Variants in FAM133B observed in about 807,000 individuals in gnomAD.
The protein encoded by FAM133B is protein FAM133B.
Under a neutral mutation model 46.4 loss-of-function variants are expected in FAM133B, and 25 were observed. That is an observed-to-expected ratio of 0.54 (90% CI 0.39 to 0.75). The LOEUF (loss-of-function observed/expected upper bound fraction) is 0.75. Ranked by LOEUF, FAM133B falls within the 30% of genes least tolerant of loss-of-function variation. The probability of loss-of-function intolerance (pLI) is 0.00; values close to 1 mark genes in which losing one functional copy is unlikely to be tolerated. For missense variants in FAM133B, 205 were observed against 277.6 expected, an observed-to-expected ratio of 0.74 and a Z score of 1.86; for synonymous variants, 75 against 86.0, an observed-to-expected ratio of 0.87 and a Z score of 0.71.
At chr7:92,585,311 A>C in intron 1 of FAM133B, 1 of 914,158 alleles carries the variant, frequency 1.1e-6, no homozygotes. Context: ...TGTTAAATTT[A>C]ACTGGTCTCA....
At chr7:92,583,073 G>A (rs117047135) in intron 1 of FAM133B, among the ~76,000 whole-genome samples, 16 of 152,232 alleles carry the variant, frequency 1.1e-4, no homozygotes, top group Non-Finnish European at 1.9e-4. Context: ...TGGAAACAAC[G>A]CAAATGTCCA....
chr7:92,562,968 C>T (rs1794204823), intron 10 of FAM133B, among the ~76,000 whole-genome samples: 1 of 152,104 alleles, frequency 6.6e-6, no homozygotes, highest in African/African-American at 2.4e-5. Context: ...GAAGAAAATG[C>T]CACTAATGCC....
chr7:92,577,608 A>G (rs1368983104), intron 6 of FAM133B, 47 bp downstream of exon 6: 1 of 1,447,516 alleles, frequency 6.9e-7, no homozygotes, highest in East Asian at 2.5e-5. Context: ...TTGACATTAA[A>G]GAAATTAAGA....
intron 1 of FAM133B, among the ~76,000 whole-genome samples, chr7:92,585,693 A>T (rs181881289): frequency 1.9e-3 from 296 of 152,334 alleles, no homozygotes; most frequent in African/African-American, 6.7e-3. Context: ...TTTAATAAAT[A>T]ACTAAAAATT....
At position 92,569,874 on chromosome 7, in the gene FAM133B, T is replaced by C; in HGVS notation, c.558A>G (p.Glu186=). ...GLSKKRKMYS[E]DKPLSSESLS... The stretch of plus-strand genomic sequence containing the variant: ...AGGACTCAGATGATAAAGGTTTATC[T>C]TCAGAATACATCTTTCTCTTTTTGC... The change falls in exon 9 of 11, where the codon GAA becomes GAG. Residue 186 remains glutamate (E), a synonymous_variant. Coordinates refer to ENST00000445716, the MANE Select transcript of FAM133B (RefSeq NM_152789.4). The C allele has an allele frequency of 7.0e-7, 1 of 1,437,716 alleles. No individual in the cohort carries two copies. The highest frequency in any genetic ancestry group is 9.1e-7 in the Non-Finnish European group (1 of 1,095,346). 89.1% of individuals were successfully genotyped at this position (1,437,716 alleles called of 1,614,324 possible). A position where few individuals can be genotyped will look rare whatever the true frequency, so the allele number is the denominator to read the frequency against.
intron 8 of FAM133B, 89 bp downstream of exon 8, chr7:92,575,682 C>A: frequency 3.4e-6 from 2 of 579,992 alleles, no homozygotes; most frequent in East Asian, 3.3e-5. Flanking sequence ...ATAAATATAT[C>A]TCTTAAAAAG....
chr7:92,572,304 T>C (rs1345661329), intron 8 of FAM133B, among the ~76,000 whole-genome samples: 1 of 152,258 alleles, frequency 6.6e-6, no homozygotes, highest in Admixed American at 6.5e-5. Flanking sequence ...AACAAGGGTA[T>C]TTTTATACAC....
intron 1 of FAM133B, among the ~76,000 whole-genome samples, chr7:92,587,140 C>T (rs559550683): frequency 5.5e-4 from 84 of 152,194 alleles, no homozygotes; most frequent in African/African-American, 2.0e-3. Context: ...TAAAACTGCT[C>T]TAAAAATAAA....
At chr7:92,571,078 GTTCT>G (rs1414196675) in intron 8 of FAM133B, among the ~76,000 whole-genome samples, 1 of 152,154 alleles carries the variant, frequency 6.6e-6, no homozygotes, top group African/African-American at 2.4e-5. Flanking sequence ...AGAAATATGG[GTTCT>G]TTGCTATTAA....
intron 9 of FAM133B, among the ~76,000 whole-genome samples, chr7:92,569,001 A>G (rs1427837095): frequency 1.3e-5 from 2 of 152,316 alleles, no homozygotes; most frequent in South Asian, 2.1e-4. Flanking sequence ...TGCAAGACTC[A>G]GGGAATGGGG....
At chr7:92,590,174 C>T in intron 1 of FAM133B, 94 bp downstream of exon 1, 1 of 1,597,782 alleles carries the variant, frequency 6.3e-7, no homozygotes. Context: ...AGGGCTGCCG[C>T]TTGCCCTCCG....
In FAM133B at chr7:92,587,206, C is replaced by T. The variant is rs1367340586; in HGVS notation, c.24+3062G>A. ...CTGGGGCTTTTTTTGGAAAGCAATC[C>T]TATCATCTTTAAAACTATGATTGTT... On this transcript the variant is annotated intron_variant, in intron 1 of 10. Coordinates refer to ENST00000445716, the MANE Select transcript of FAM133B (RefSeq NM_152789.4). Among the ~76,000 whole-genome samples the T allele has an allele frequency of 2.0e-5, 3 of 152,242 alleles. No homozygotes were observed. The East Asian group carries it at 5.8e-4, about 29-fold the overall frequency.
rs1357381253 is a variant in FAM133B at position 92,577,977 on chromosome 7, GTTT to G, written c.309+170_309+172del. The G allele has an allele frequency of 4.3e-6, 3 of 691,976 alleles. No homozygotes were observed. In the South Asian group the frequency reaches 6.0e-5, roughly 14 times the overall value. 42.9% of individuals were successfully genotyped at this position (691,976 alleles called of 1,614,324 possible). On this transcript the variant is annotated intron_variant, in intron 5 of 10. Coordinates refer to ENST00000445716, the MANE Select transcript of FAM133B (RefSeq NM_152789.4). The stretch of plus-strand genomic sequence containing the variant: ...ACTACGTTATAAGGTGGTTGGCACC[GTTT>G]TTTATGTCAGTGATAGAACAAAATC...
chr7:92,578,536 C>G, intron 3 of FAM133B, 143 bp from the exon 4 acceptor site: 1 of 744,888 alleles, frequency 1.3e-6, no homozygotes, highest in South Asian at 1.7e-5. Flanking sequence ...AAAAGAAACA[C>G]AGGTGCCAAT....
At chr7:92,577,524 C>A in intron 6 of FAM133B, 131 bp downstream of exon 6, 1 of 647,710 alleles carries the variant, frequency 1.5e-6, no homozygotes, top group Non-Finnish European at 2.5e-6. Context: ...TCATGTTAGT[C>A]CTCTAAGTTA....
intron 1 of FAM133B, among the ~76,000 whole-genome samples, chr7:92,584,210 T>A (rs770968865): frequency 1.1e-4 from 16 of 152,044 alleles, no homozygotes; most frequent in Non-Finnish European, 2.1e-4. Flanking sequence ...CCGTGCCCAG[T>A]CAATAGACAT....
chr7:92,562,599 A>G (rs10231849), intron 10 of FAM133B, among the ~76,000 whole-genome samples: 317 of 152,332 alleles, frequency 2.1e-3, no homozygotes, highest in African/African-American at 7.1e-3. Context: ...GCATATTAAC[A>G]TAACTTCTAA....
At chr7:92,583,991 A>T (rs1794964586) in intron 1 of FAM133B, among the ~76,000 whole-genome samples, 1 of 137,382 alleles carries the variant, frequency 7.3e-6, no homozygotes, top group Admixed American at 8.0e-5. Context: ...CAGAGGTTGC[A>T]GTGAGCTGAG....
chr7:92,583,402 A>G (rs1423859728), intron 1 of FAM133B, among the ~76,000 whole-genome samples: 1 of 152,248 alleles, frequency 6.6e-6, no homozygotes, highest in Non-Finnish European at 1.5e-5. Context: ...GCACAACACT[A>G]TGAATGTACT....
Sources: gnomAD v4.1 joint callset for allele counts (sites outside exome capture counted in the v4.1 genomes callset) on GRCh38, gnomAD v4.1.1 for gene constraint, MANE v1.5 for transcripts, NCBI Gene and HGNC (gene_info 2026-07-23, HGNC 2026-07-21) for gene names.